The following PSAT1 variants were observed in gnomAD, a reference collection of about 807,000 sequenced individuals.
The protein encoded by PSAT1 is phosphoserine aminotransferase.
In PSAT1, 41 loss-of-function variants were observed where a neutral mutation model predicts 40.3. That is an observed-to-expected ratio of 1.02 (90% CI 0.79 to 1.32). PSAT1 has a LOEUF of 1.32. Among genes scored for constraint, PSAT1 ranks in the 40% most tolerant of loss-of-function variants. The probability of loss-of-function intolerance (pLI) is 0.00; values close to 1 mark genes in which losing one functional copy is unlikely to be tolerated. For synonymous variants in PSAT1, 147 were observed against 170.5 expected (o/e 0.86, Z 1.07); for missense variants, 406 against 455.8 (o/e 0.89, Z 0.99).
chr9:78,306,311 T>C lies in PSAT1; in HGVS notation c.398-3T>C. On this transcript the variant is annotated splice_region_variant and splice_polypyrimidine_tract_variant and intron_variant, in intron 4 of 8. Coordinates refer to ENST00000376588, the MANE Select transcript of PSAT1 (RefSeq NM_058179.4). ...AAAGTCTCAAACTTGTCTTCTGTGA[T>C]AGAAATTCCAGATCCAAGCACCTGG... 6.2e-7 allele frequency: 1 copy of C among 1,612,134 alleles called. No individual in the cohort carries two copies. Among genetic ancestry groups the C allele is most frequent in the Non-Finnish European group, 8.5e-7 (1 of 1,179,878 alleles).
Position 78,328,115 on chromosome 9 carries a change from G to A in PSAT1, c.934G>A (p.Gly312Arg). Residue 312 changes from glycine (G) to arginine (R), a missense_variant, in exon 8 of 9, where the codon GGA becomes AGA. Physicochemically the swap from Gly to Arg is moderately radical, Grantham distance 125 (BLOSUM62 -2). Transcript: ENST00000376588. ...NIPFRIGNAK[G>R]DDALEKRFLD... Reference sequence around the variant, plus strand: ...TCCATTCCGCATTGGCAATGCCAAAGGAGATGATGCTTTAGAAAAAAGATT... The same window carrying A: ...TCCATTCCGCATTGGCAATGCCAAAAGAGATGATGCTTTAGAAAAAAGATT... 2 of 1,612,488 alleles carry A rather than the reference G, an allele frequency of 1.2e-6. No individual in the cohort carries two copies. The highest frequency in any genetic ancestry group is 1.7e-6 in the Non-Finnish European group (2 of 1,179,694).
At chr9:78,316,380 C>A (rs148964254) in intron 6 of PSAT1, among the ~76,000 whole-genome samples, 19 of 152,306 alleles carry the variant, frequency 1.2e-4, no homozygotes, top group African/African-American at 4.3e-4. Flanking sequence ...CTTCTCTCAG[C>A]GGGAATGTTG....
chr9:78,297,278 C>A lies in PSAT1; in HGVS notation c.60+8C>A. Reference sequence around the variant, plus strand: ...GCCAAGCTGCCGCACTCAGTAAGTCCCCGCGAGCGGGCGCCGGGAGTGAGG... The same window carrying A: ...GCCAAGCTGCCGCACTCAGTAAGTCACCGCGAGCGGGCGCCGGGAGTGAGG... On this transcript the variant is annotated splice_region_variant and intron_variant, in intron 1 of 8. Coordinates refer to ENST00000376588, the MANE Select transcript of PSAT1 (RefSeq NM_058179.4). The A allele has an allele frequency of 6.3e-7, 1 of 1,597,124 alleles. No individual in the cohort carries two copies. The highest frequency in any genetic ancestry group is 8.5e-7 in the Non-Finnish European group (1 of 1,176,994).
chr9:78,324,743 A>G (rs1325852118), intron 7 of PSAT1, among the ~76,000 whole-genome samples: 1 of 151,894 alleles, frequency 6.6e-6, no homozygotes, highest in Non-Finnish European at 1.5e-5. Context: ...GGATAGCCAT[A>G]TGTTTCAGGA....
chr9:78,299,718 G>A (rs188902357), intron 1 of PSAT1, among the ~76,000 whole-genome samples: 2 of 151,876 alleles, frequency 1.3e-5, no homozygotes, highest in East Asian at 1.9e-4. Context: ...TCACCATGTT[G>A]GCCAAGATGG....
chr9:78,301,911 G>C lies in PSAT1; in HGVS notation c.122-43G>C, dbSNP rs551720217. Reference sequence around the variant, plus strand: ...TAGGTATTTCTGTTCATTTGGTTTTGAGCTGGAATATTTGTTATTGTTGTT... The same window carrying C: ...TAGGTATTTCTGTTCATTTGGTTTTCAGCTGGAATATTTGTTATTGTTGTT... On this transcript the variant is annotated intron_variant, in intron 2 of 8. Coordinates refer to ENST00000376588, the MANE Select transcript of PSAT1 (RefSeq NM_058179.4). 4.9e-5 allele frequency: 72 copies of C among 1,475,834 alleles called. No individual in the cohort carries two copies. The South Asian group carries it at 8.0e-4, about 16-fold the overall frequency. 91.4% of individuals were successfully genotyped at this position (1,475,834 alleles called of 1,614,324 possible). A position where few individuals can be genotyped will look rare whatever the true frequency, so the allele number is the denominator to read the frequency against.
At chr9:78,320,513 A>C (rs1230034829) in intron 7 of PSAT1, among the ~76,000 whole-genome samples, 3 of 149,936 alleles carry the variant, frequency 2.0e-5, no homozygotes, top group Middle Eastern at 7.2e-3. Context: ...CCATCCATCC[A>C]TCCATCCACT....
intron 7 of PSAT1, among the ~76,000 whole-genome samples, chr9:78,325,724 C>CT (rs1395345938): frequency 6.6e-6 from 1 of 152,168 alleles, no homozygotes; most frequent in African/African-American, 2.4e-5. Context: ...TTCCCTTAAT[C>CT]TTTTTTTCTC....
Position 78,329,622 on chromosome 9 carries a change from TTA to T in PSAT1, c.*542_*543del, listed in dbSNP as rs1405712716. 6.2e-6 allele frequency: 1 copy of T among 160,428 alleles called. No individual in the cohort carries two copies. The highest frequency in any genetic ancestry group is 1.4e-5 in the Non-Finnish European group (1 of 72,726). 9.9% of individuals were successfully genotyped at this position (160,428 alleles called of 1,614,324 possible). A position where few individuals can be genotyped will look rare whatever the true frequency, so the allele number is the denominator to read the frequency against. On this transcript the variant is annotated 3_prime_UTR_variant, in exon 9 of 9. Coordinates refer to ENST00000376588, the MANE Select transcript of PSAT1 (RefSeq NM_058179.4). ...GTTATTACAGGAGAAGTGACATACT[TTA>T]TATATGTTTATATTAGCAAGGTCTG...
At chr9:78,317,830 T>C (rs1828371706) in intron 7 of PSAT1, 26 bp downstream of exon 7, 2 of 1,609,444 alleles carry the variant, frequency 1.2e-6, no homozygotes, top group Non-Finnish European at 8.5e-7. Flanking sequence ...TTATCTCCTA[T>C]TTTGCCTCTT....
intron 7 of PSAT1, among the ~76,000 whole-genome samples, chr9:78,324,316 C>T (rs1186990645): frequency 1.3e-5 from 2 of 152,176 alleles, no homozygotes; most frequent in Non-Finnish European, 2.9e-5. Flanking sequence ...ACCACTTTCC[C>T]AGAATGCCTG....
At chr9:78,323,263 C>T (rs1013452049) in intron 7 of PSAT1, among the ~76,000 whole-genome samples, 23 of 152,114 alleles carry the variant, frequency 1.5e-4, no homozygotes, top group Non-Finnish European at 5.9e-5. Context: ...AAAGACAAAT[C>T]TATTAGTCTT....
chr9:78,324,641 CCAA>C (rs1447529473), intron 7 of PSAT1, among the ~76,000 whole-genome samples: 4 of 152,120 alleles, frequency 2.6e-5, no homozygotes, highest in Non-Finnish European at 5.9e-5. Flanking sequence ...ACAACTTGAG[CCAA>C]TATTGGGCTC....
intron 7 of PSAT1, among the ~76,000 whole-genome samples, chr9:78,327,347 A>G (rs1051617486): frequency 6.6e-6 from 1 of 152,064 alleles, no homozygotes; most frequent in Non-Finnish European, 1.5e-5. Context: ...GTCTGTTGTA[A>G]ACTCTTGGCC....
chr9:78,299,581 C>T lies in PSAT1; in HGVS notation c.61-1021C>T, dbSNP rs1272917123. ...AGGCTGGAGTGCAGTCGCTTGGTCT[C>T]GGCTCACTGAAACCTCCGCCTCCCG... On this transcript the variant is annotated intron_variant, in intron 1 of 8. Transcript: ENST00000376588. 6.6e-5 allele frequency among the ~76,000 whole-genome samples: 9 copies of T among 136,690 alleles called. No homozygotes were observed. The South Asian group carries it at 9.5e-4, about 14-fold the overall frequency. 89.7% of individuals were successfully genotyped at this position (136,690 alleles called of 152,430 possible). A position where few individuals can be genotyped will look rare whatever the true frequency, so the allele number is the denominator to read the frequency against.
intron 7 of PSAT1, among the ~76,000 whole-genome samples, chr9:78,320,133 TCTATCCATCCATTA>T: frequency 6.6e-6 from 1 of 150,768 alleles, no homozygotes; most frequent in Admixed American, 6.6e-5. Context: ...CACTCATCCA[TCTATCCATCCATTA>T]CCCACCCATC....
chr9:78,297,181 T>A lies in PSAT1; in HGVS notation c.-30T>A, dbSNP rs752271986. 3.1e-6 allele frequency: 5 copies of A among 1,589,066 alleles called. No homozygotes were observed. Among genetic ancestry groups the A allele is most frequent in the Non-Finnish European group, 4.3e-6 (5 of 1,172,150 alleles). On this transcript the variant is annotated 5_prime_UTR_variant, in exon 1 of 9. Coordinates refer to ENST00000376588, the MANE Select transcript of PSAT1 (RefSeq NM_058179.4). ...AGCCGTTCACGCGTTCGGTCCTCCT[T>A]GGCTGACTCACCGCCCTGGCCGCCG...
At position 78,317,803 on chromosome 9, in the gene PSAT1, G is replaced by A. The variant is rs200049723; in HGVS notation, c.868G>A (p.Val290Ile). The change falls in exon 7 of 9, where the codon GTT becomes ATT. Residue 290 changes from valine (V) to isoleucine (I), a missense_variant and splice_region_variant. Physicochemically the swap from Val to Ile is conservative, Grantham distance 29. Transcript: ENST00000376588. ...EIIDNSQGFY[V>I]CPVEPQNRSK... ...TATTGATAATTCTCAAGGATTCTAC[G>A]TGTAAGTCAATGGATTTTATCTCCT... The A allele has an allele frequency of 1.2e-4, 195 of 1,612,302 alleles. No individual in the cohort carries two copies. Among genetic ancestry groups the A allele is most frequent in the Admixed American group, 8.8e-4 (53 of 60,018 alleles).
intron 5 of PSAT1, among the ~76,000 whole-genome samples, chr9:78,308,053 A>G (rs913396389): frequency 9.2e-5 from 14 of 152,060 alleles, no homozygotes; most frequent in African/African-American, 3.1e-4. Context: ...GAAAAAAAAA[A>G]TGTTTCTTCT....
Sources: allele counts gnomAD v4.1 joint callset (sites outside exome capture counted in the v4.1 genomes callset), GRCh38; gene constraint gnomAD v4.1.1; transcripts MANE v1.5; gene names NCBI Gene and HGNC (gene_info 2026-07-23, HGNC 2026-07-21).